ZNF730: variants seen among roughly 807,000 people sequenced by gnomAD.
ZNF730 encodes zinc finger protein 730.
ZNF730 carries 12 observed loss-of-function variants against 12.6 expected under a neutral mutation model. The ratio of observed to expected loss-of-function variants is 0.95; its 90% CI spans 0.61 to 1.54. ZNF730 has a LOEUF of 1.54. Among genes scored for constraint, ZNF730 ranks in the 40% most tolerant of loss-of-function variants. The pLI is 0.00. For synonymous variants in ZNF730, 194 were observed against 195.8 expected (o/e 0.99, Z 0.08); for missense variants, 643 against 583.5 (o/e 1.10, Z -1.05).
Position 23,145,862 on chromosome 19 carries a change from C to G in ZNF730, c.818C>G (p.Thr273Arg). Residue 273 changes from threonine to arginine, a missense_variant, in exon 4 of 4, where the codon ACA becomes AGA. Physicochemically the swap from Thr to Arg is moderately conservative, Grantham distance 71 (BLOSUM62 -1). Coordinates refer to ENST00000597761, the MANE Select transcript of ZNF730 (RefSeq NM_001277403.2). ...TTTAACCAATCCACAAACCTTACTA[C>G]ACATAAAAGAATTCATACTGGAGAG... Reference protein sequence around the residue: ...KFFNQSTNLTTHKRIHTGEKP... With the variant: ...KFFNQSTNLTRHKRIHTGEKP... 6.2e-7 allele frequency: 1 copy of G among 1,607,446 alleles called. No individual in the cohort carries two copies. The highest frequency in any genetic ancestry group is 8.5e-7 in the Non-Finnish European group (1 of 1,178,476).
At chr19:23,097,400 G>A (rs1970270638) in intron 1 of ZNF730, among the ~76,000 whole-genome samples, 1 of 151,828 alleles carries the variant, frequency 6.6e-6, no homozygotes, top group South Asian at 2.1e-4. Flanking sequence ...ATATATTGCT[G>A]ATTTCATACC....
rs188508135 is a variant in ZNF730, at chr19:23,105,560, T to G, written c.-93-28520T>G. 9.0e-4 allele frequency among the ~76,000 whole-genome samples: 137 copies of G among 152,270 alleles called. 1 individual carries two copies. The highest frequency in any genetic ancestry group is 3.2e-3 in the African/African-American group (134 of 41,542). On this transcript the variant is annotated intron_variant, in intron 1 of 2. Transcript: ENST00000593635. ...GAATGGCAACCATGTAAAGAAAAAT[T>G]GCAAGGACTTAGTGCTGATGAGGAT...
In ZNF730 at chr19:23,117,149, G is replaced by T. The variant is rs779915538; in HGVS notation, c.-25G>T. On this transcript the variant is annotated 5_prime_UTR_variant, in exon 1 of 4. Transcript: ENST00000597761. ...GTATTGGGAGATCCACAGCTAAGAC[G>T]CCAGGGCCCCCTGGAAGCCTAGAAA... 7.7e-5 allele frequency: 124 copies of T among 1,613,678 alleles called. No homozygotes were observed. Among genetic ancestry groups the T allele is most frequent in the Non-Finnish European group, 1.0e-4 (118 of 1,179,778 alleles).
At chr19:23,112,406 A>G (rs1395002334), upstream of ZNF730, among the ~76,000 whole-genome samples, 1 of 152,122 alleles carries the variant, frequency 6.6e-6, no homozygotes, top group African/African-American at 2.4e-5. Context: ...CGTGTGAAAA[A>G]ACATAACATC....
intron 1 of ZNF730, among the ~76,000 whole-genome samples, chr19:23,130,611 C>A (rs1970733732): frequency 6.6e-6 from 1 of 152,132 alleles, no homozygotes; most frequent in Non-Finnish European, 1.5e-5. Flanking sequence ...ATTTGTATTT[C>A]TTTTACCTTA....
intron 1 of ZNF730, among the ~76,000 whole-genome samples, chr19:23,121,368 T>C (rs1433196780): frequency 6.6e-6 from 1 of 152,102 alleles, no homozygotes; most frequent in Admixed American, 6.6e-5. Context: ...TGACAGAGTC[T>C]TGCTCTGTTG....
intron 1 of ZNF730, among the ~76,000 whole-genome samples, chr19:23,101,306 A>T (rs1970333513): frequency 6.6e-6 from 1 of 152,180 alleles, no homozygotes; most frequent in African/African-American, 2.4e-5. Flanking sequence ...CTAGAGGTGG[A>T]CTGGTGACTC....
At chr19:23,123,185 A>T (rs1451645523) in intron 1 of ZNF730, 1 of 152,192 alleles carries the variant, frequency 6.6e-6, no homozygotes, top group African/African-American at 2.4e-5. Flanking sequence ...CCAGTTTTTC[A>T]TCAAAAAGTG....
intron 1 of ZNF730, among the ~76,000 whole-genome samples, chr19:23,092,369 C>T (rs1004560173): frequency 2.0e-5 from 3 of 148,596 alleles, no homozygotes; most frequent in African/African-American, 7.5e-5. Context: ...CCGAGGCAGG[C>T]GAATCACCTG....
chr19:23,132,013 G>A (rs899369897), intron 1 of ZNF730, among the ~76,000 whole-genome samples: 4 of 148,744 alleles, frequency 2.7e-5, no homozygotes, highest in East Asian at 2.0e-4. Context: ...TGTGGCCCAC[G>A]TTTTTCTTAA....
chr19:23,101,658 C>T (rs1342754317), intron 1 of ZNF730, among the ~76,000 whole-genome samples: 1 of 152,210 alleles, frequency 6.6e-6, no homozygotes, highest in Non-Finnish European at 1.5e-5. Flanking sequence ...CAACCTCTGC[C>T]TCCCAGGTTC....
upstream of ZNF730, among the ~76,000 whole-genome samples, chr19:23,116,120 T>C (rs550329428): frequency 7.9e-5 from 12 of 152,322 alleles, no homozygotes; most frequent in African/African-American, 2.6e-4. Context: ...CAAGGCCAAA[T>C]AGCAAAATAA....
intron 1 of ZNF730, chr19:23,127,468 C>T: frequency 9.1e-7 from 1 of 1,099,502 alleles, no homozygotes; most frequent in Non-Finnish European, 1.4e-6. Context: ...CTTCTCCAAG[C>T]TTCTGTACTT....
chr19:23,138,975 TG>T (rs1308414802), intron 3 of ZNF730, among the ~76,000 whole-genome samples: 2 of 152,222 alleles, frequency 1.3e-5, no homozygotes, highest in African/African-American at 2.4e-5. Flanking sequence ...TCACTCTCCC[TG>T]TACATTTTTA....
rs1287291090 is a variant in ZNF730, at chr19:23,134,113, TTC to T, written c.43_44del (p.Leu15GlyfsTer15). The T allele has an allele frequency of 1.2e-6, 2 of 1,613,512 alleles. No homozygotes were observed. Among genetic ancestry groups the T allele is most frequent in the East Asian group, 2.2e-5 (1 of 44,828 alleles). ...GACATTTAGAGATGTGGCCATAGAA[TTC>T]TCTCTGGAGGAGTGGCAATGTCTGG... is the stretch of plus-strand genomic sequence containing the variant. ...ALTFRDVAIE[F>X]SLEEWQCLDT... On this transcript the variant is annotated frameshift_variant, in exon 2 of 4. Transcript: ENST00000597761. LOFTEE classifies it high-confidence loss of function.
Position 23,145,494 on chromosome 19 carries a change from T to C in ZNF730, c.450T>C (p.Tyr150=), listed in dbSNP as rs1319360944. ...GCAAAATATTTCAGTGTGACAAATA[T>C]GTGAAAGTCTTTCATAAATTTTCAA... ...SHSKIFQCDK[Y]VKVFHKFSNS... The change falls in exon 4 of 4, where the codon TAT becomes TAC. Residue 150 remains tyrosine (Y), a synonymous_variant. Coordinates refer to ENST00000597761, the MANE Select transcript of ZNF730 (RefSeq NM_001277403.2). 4 of 1,564,528 alleles carry C rather than the reference T, an allele frequency of 2.6e-6. No individual in the cohort carries two copies. The highest frequency in any genetic ancestry group is 3.5e-6 in the Non-Finnish European group (4 of 1,155,554).
intron 1 of ZNF730, among the ~76,000 whole-genome samples, chr19:23,079,971 A>T (rs1969935641): frequency 6.6e-6 from 1 of 152,052 alleles, no homozygotes; most frequent in African/African-American, 2.4e-5. Context: ...TTGGAGTCGA[A>T]CTCTTGCTGT....
At position 23,140,680 on chromosome 19, in the gene ZNF730, G is replaced by A. The variant is rs1451829156; in HGVS notation, c.227-4591G>A. Among the ~76,000 whole-genome samples the A allele has an allele frequency of 5.9e-5, 9 of 151,588 alleles. No individual in the cohort carries two copies. In the South Asian group the frequency reaches 1.0e-3, roughly 18 times the overall value. On this transcript the variant is annotated intron_variant, in intron 3 of 3. Transcript: ENST00000597761. ...ATCTTAAAACTATTTAAGGCCGGGC[G>A]TGGTGGCTCACGTCTGTAATCCCAG...
At chr19:23,111,704 A>G (rs1970462238) in intron 1 of ZNF730, among the ~76,000 whole-genome samples, 1 of 151,888 alleles carries the variant, frequency 6.6e-6, no homozygotes, top group Non-Finnish European at 1.5e-5. Context: ...AGCCGACATC[A>G]CACCACTGCA....
Sources: allele counts gnomAD v4.1 joint callset (sites outside exome capture counted in the v4.1 genomes callset), GRCh38; gene constraint gnomAD v4.1.1; transcripts MANE v1.5; gene names NCBI Gene and HGNC (gene_info 2026-07-23, HGNC 2026-07-21).